The following DLG5 variants were observed in gnomAD, a reference collection of about 807,000 sequenced individuals.
DLG5 encodes disks large homolog 5.
DLG5 carries 48 observed loss-of-function variants against 189.8 expected under a neutral mutation model. The observed-to-expected ratio is 0.25, with a 90% CI of 0.20 to 0.32. The LOEUF is 0.32. DLG5 is among the 10% of genes least tolerant of loss of function. The pLI, the probability that DLG5 is intolerant of heterozygous loss-of-function variation, is 1.00. For synonymous variants in DLG5, 1,016 were observed against 1,054.1 expected (o/e 0.96, Z 0.70); for missense variants, 2,160 against 2,544.7 (o/e 0.85, Z 3.25).
At chr10:77,924,316 C>A (rs975967310) in intron 1 of DLG5, among the ~76,000 whole-genome samples, 2 of 152,176 alleles carry the variant, frequency 1.3e-5, no homozygotes, top group Non-Finnish European at 2.9e-5. Flanking sequence ...AAAATCCAAA[C>A]CCTAATCTCT....
In DLG5 at chr10:77,854,171, G is replaced by A. The variant is rs529386979; in HGVS notation, c.680+56C>T. ...GGCTACTAAGTCCAGAGAAAAGAAG[G>A]GCAAAGGCAGCTGTCTGTGGGTGTT... On this transcript the variant is annotated intron_variant, in intron 4 of 31. Transcript: ENST00000372391. 1.1e-5 allele frequency: 18 copies of A among 1,592,346 alleles called. No individual in the cohort carries two copies. In the East Asian group the frequency reaches 3.8e-4, roughly 34 times the overall value.
chr10:77,919,228 CA>C (rs892594672), intron 1 of DLG5, among the ~76,000 whole-genome samples: 12 of 146,524 alleles, frequency 8.2e-5, no homozygotes, highest in Admixed American at 2.7e-4. Context: ...AACAAACAAA[CA>C]AAAAAAAAAC....
the DLG5 span, among the ~76,000 whole-genome samples, chr10:77,938,909 C>A: frequency 1.9e-4 from 29 of 152,362 alleles, no homozygotes; most frequent in East Asian, 5.2e-3. Context: ...CCCTATCAGG[C>A]CCGGTGCAGT....
intron 1 of DLG5, among the ~76,000 whole-genome samples, chr10:77,896,734 G>A (rs1292644874): frequency 6.6e-6 from 1 of 151,768 alleles, no homozygotes; most frequent in Non-Finnish European, 1.5e-5. Flanking sequence ...CAGGAGAATC[G>A]CTTGAACCCA....
At chr10:77,830,665 G>A (rs1249681651) in intron 10 of DLG5, 76 bp downstream of exon 10, 1 of 1,570,524 alleles carries the variant, frequency 6.4e-7, no homozygotes, top group Non-Finnish European at 8.7e-7. Context: ...GTGAAACTGG[G>A]AGATACTGCA....
rs534435366 is a variant in DLG5, at chr10:77,795,132, C to G, written c.5437-174G>C. Among the ~76,000 whole-genome samples, 10 of 152,342 alleles carry G rather than the reference C, an allele frequency of 6.6e-5. No homozygotes were observed. In the South Asian group the frequency reaches 2.1e-3, roughly 32 times the overall value. On this transcript the variant is annotated intron_variant, in intron 29 of 31. Transcript: ENST00000372391. The stretch of plus-strand genomic sequence containing the variant: ...CCCACGAAACTCCCAACAAACCCCA[C>G]TTGCTGTGAGGAAGGCCAAGGCTGG...
chr10:77,852,350 G>A (rs568144045), intron 5 of DLG5, among the ~76,000 whole-genome samples: 25 of 152,138 alleles, frequency 1.6e-4, no homozygotes, highest in East Asian at 3.9e-4. Context: ...CAGCCTGGGC[G>A]ACAGAGCGAA....
At chr10:77,916,621 A>T (rs1049102925) in intron 1 of DLG5, among the ~76,000 whole-genome samples, 2 of 152,182 alleles carry the variant, frequency 1.3e-5, no homozygotes, top group African/African-American at 4.8e-5. Context: ...AAAAAAGGAA[A>T]GAAAATGCTA....
intron 2 of DLG5, chr10:77,867,146 G>A (rs1163314641): frequency 1.6e-5 from 7 of 449,370 alleles, no homozygotes; most frequent in South Asian, 3.1e-5. Context: ...CGGCCATGAC[G>A]CTTCTTCCAG....
intron 20 of DLG5, 105 bp from the exon 21 acceptor site, chr10:77,812,482 C>T: frequency 7.4e-7 from 1 of 1,344,622 alleles, no homozygotes; most frequent in Non-Finnish European, 1.0e-6. Context: ...AGAAAGGGCC[C>T]CGAGCCTGGA....
intron 25 of DLG5, 144 bp from the exon 26 acceptor site, chr10:77,807,072 T>C: frequency 1.1e-6 from 1 of 901,934 alleles, no homozygotes; most frequent in Non-Finnish European, 1.6e-6. Flanking sequence ...AGGGTGGTGA[T>C]TCTCAAAGTG....
chr10:77,850,772 G>A (rs192123999), intron 5 of DLG5, among the ~76,000 whole-genome samples: 3 of 152,178 alleles, frequency 2.0e-5, no homozygotes, highest in African/African-American at 2.4e-5. Flanking sequence ...GGCACGCGGC[G>A]CCAGTGCCTT....
rs957365518 is a variant in DLG5 at position 77,794,875 on chromosome 10, G to A, written c.5520C>T (p.Ile1840=). 6.8e-6 allele frequency: 11 copies of A among 1,614,100 alleles called. No homozygotes were observed. The highest frequency in any genetic ancestry group is 9.3e-6 in the Non-Finnish European group (11 of 1,180,010). ...HMHIYPIVIF[I]HYKSAKHIKE... is the part of the protein sequence containing the mutation. ...TGATGTGCTTGGCGCTCTTGTAGTG[G>A]ATGAAGATGACAATGGGGTAGATGT... The change falls in exon 30 of 32, where the codon ATC becomes ATT. Residue 1840 remains isoleucine, a synonymous_variant. Coordinates refer to ENST00000372391, the MANE Select transcript of DLG5 (RefSeq NM_004747.4).
intron 27 of DLG5, among the ~76,000 whole-genome samples, chr10:77,797,352 C>CT (rs753582494): frequency 2.6e-5 from 4 of 152,208 alleles, no homozygotes; most frequent in Admixed American, 6.5e-5. Context: ...TGGCGTCTCC[C>CT]TGGTATAAGT....
intron 1 of DLG5, among the ~76,000 whole-genome samples, chr10:77,902,600 C>A (rs1845957854): frequency 6.6e-6 from 1 of 151,924 alleles, no homozygotes. Flanking sequence ...GTGGCTCATA[C>A]CTGTAATCCC....
chr10:77,827,618 C>A (rs1384685590), intron 13 of DLG5, among the ~76,000 whole-genome samples: 1 of 152,178 alleles, frequency 6.6e-6, no homozygotes, highest in Non-Finnish European at 1.5e-5. Context: ...CTCAGAGATA[C>A]CATTACATGT....
intron 13 of DLG5, among the ~76,000 whole-genome samples, chr10:77,827,316 C>T (rs1454286863): frequency 1.3e-5 from 2 of 152,164 alleles, no homozygotes; most frequent in Non-Finnish European, 2.9e-5. Context: ...ACCTCTGCCT[C>T]CCAGGTTCAA....
chr10:77,886,217 G>A (rs1423859677), intron 1 of DLG5, among the ~76,000 whole-genome samples: 2 of 152,152 alleles, frequency 1.3e-5, no homozygotes, highest in African/African-American at 4.8e-5. Context: ...GCTGCTCAGA[G>A]TCTCTGGTGA....
chr10:77,856,453 G>GACACACACAC (rs58908767), intron 3 of DLG5, among the ~76,000 whole-genome samples: 5 of 149,972 alleles, frequency 3.3e-5, no homozygotes, highest in East Asian at 2.0e-4. Flanking sequence ...CAGTGGTAGG[G>GACACACACAC]ACACACACAC....
Sources: gnomAD v4.1 joint callset for allele counts (sites outside exome capture counted in the v4.1 genomes callset) on GRCh38, gnomAD v4.1.1 for gene constraint, MANE v1.5 for transcripts, NCBI Gene and HGNC (gene_info 2026-07-23, HGNC 2026-07-21) for gene names.